The following VWC2 variants were observed in gnomAD, a reference collection of about 807,000 sequenced individuals.
VWC2 encodes brorin.
In VWC2, 14 loss-of-function variants were observed where a neutral mutation model predicts 29.8. The ratio of observed to expected loss-of-function variants is 0.47; its 90% CI spans 0.31 to 0.74. The LOEUF (loss-of-function observed/expected upper bound fraction) is 0.74. Among genes scored for constraint, VWC2 ranks in the 30% least tolerant of loss-of-function variants. The pLI, the probability that VWC2 is intolerant of heterozygous loss-of-function variation, is 0.05. For missense variants in VWC2, 457 were observed against 459.8 expected, an observed-to-expected ratio of 0.99 and a Z score of 0.05; for synonymous variants, 213 against 199.0, an observed-to-expected ratio of 1.07 and a Z score of -0.59.
intron 3 of VWC2, among the ~76,000 whole-genome samples, chr7:49,871,108 G>A (rs369380536): frequency 6.6e-6 from 1 of 152,102 alleles, no homozygotes; most frequent in Non-Finnish European, 1.5e-5. Flanking sequence ...GGACTTCAAA[G>A]TAGTATTTCA....
rs940756416 is a variant in VWC2, at chr7:49,914,095, G to A, written c.*1910G>A. 1 of 152,166 alleles carries A rather than the reference G, an allele frequency of 6.6e-6. No homozygotes were observed. The highest frequency in any genetic ancestry group is 2.4e-5 in the African/African-American group (1 of 41,438). The allele number at this position is 152,166 out of a possible 1,614,324, so 9.4% of individuals were successfully genotyped here. On this transcript the variant is annotated 3_prime_UTR_variant, in exon 4 of 4. Coordinates refer to ENST00000340652, the MANE Select transcript of VWC2 (RefSeq NM_198570.5). ...ATTGGCCATCCCTCCTTTATTCAAG[G>A]ATGGATTGTTTGAGACACAGTTATT... is the stretch of plus-strand genomic sequence containing the variant.
intron 3 of VWC2, among the ~76,000 whole-genome samples, chr7:49,844,859 A>AT (rs1789884968): frequency 6.6e-6 from 1 of 151,762 alleles, no homozygotes; most frequent in Non-Finnish European, 1.5e-5. Context: ...CGTCCAACTA[A>AT]ATTTTTGTAT....
intron 2 of VWC2, among the ~76,000 whole-genome samples, chr7:49,778,123 C>G (rs1788090360): frequency 6.6e-6 from 1 of 151,730 alleles, no homozygotes; most frequent in Non-Finnish European, 1.5e-5. Flanking sequence ...TCTGTCTTAA[C>G]AATTCATGCT....
intron 3 of VWC2, among the ~76,000 whole-genome samples, chr7:49,836,796 C>A (rs998499575): frequency 1.3e-5 from 2 of 151,910 alleles, no homozygotes; most frequent in African/African-American, 2.4e-5. Flanking sequence ...CAAAAGAAAC[C>A]AAACCACTGT....
intron 2 of VWC2, among the ~76,000 whole-genome samples, chr7:49,798,854 G>GTTTGAGCTCA (rs1204026440): frequency 6.6e-6 from 1 of 152,222 alleles, no homozygotes; most frequent in Admixed American, 6.5e-5. Context: ...CAAGGCCTAG[G>GTTTGAGCTCA]TTTGAGCTCA....
At chr7:49,861,256 G>A (rs1790640462) in intron 3 of VWC2, among the ~76,000 whole-genome samples, 1 of 152,122 alleles carries the variant, frequency 6.6e-6, no homozygotes, top group South Asian at 2.1e-4. Flanking sequence ...TTTTCCTAAT[G>A]ATTAATGACA....
chr7:49,840,410 T>C (rs1382564731), intron 3 of VWC2, among the ~76,000 whole-genome samples: 1 of 152,308 alleles, frequency 6.6e-6, no homozygotes, highest in Non-Finnish European at 1.5e-5. Flanking sequence ...ATCTGATTAG[T>C]GACTGATTCC....
At chr7:49,896,744 A>G (rs1792401261) in intron 3 of VWC2, among the ~76,000 whole-genome samples, 1 of 152,184 alleles carries the variant, frequency 6.6e-6, no homozygotes, top group Non-Finnish European at 1.5e-5. Context: ...AAAATGAAGG[A>G]ATATTATCAG....
intron 3 of VWC2, among the ~76,000 whole-genome samples, chr7:49,872,019 A>G (rs1192670347): frequency 6.6e-6 from 1 of 150,980 alleles, no homozygotes; most frequent in Non-Finnish European, 1.5e-5. Context: ...AAGAATGATG[A>G]AGTAATATAT....
At chr7:49,817,984 C>G (rs1038851086) in intron 3 of VWC2, among the ~76,000 whole-genome samples, 2 of 152,220 alleles carry the variant, frequency 1.3e-5, no homozygotes, top group Admixed American at 1.3e-4. Flanking sequence ...ATACTGGTTA[C>G]AAATAGCAGT....
chr7:49,901,021 T>A (rs1792695502), intron 3 of VWC2: 1 of 151,636 alleles, frequency 6.6e-6, no homozygotes, highest in South Asian at 2.1e-4. Context: ...CCTGACAAAA[T>A]CTAACACCCT....
chr7:49,788,640 GGTGT>G (rs1396226300), intron 2 of VWC2, among the ~76,000 whole-genome samples: 3 of 148,198 alleles, frequency 2.0e-5, no homozygotes, highest in Admixed American at 6.7e-5. Context: ...TGAGTGTGTG[GGTGT>G]GAGTGTGGAT....
rs1430026577 is a variant in VWC2 at position 49,802,777 on chromosome 7, C to T, written c.763C>T (p.Pro255Ser). Reference protein sequence around the residue: ...GEVLCTVSACPQTECVDPVYE... With the variant: ...GEVLCTVSACSQTECVDPVYE... Reference sequence around the variant, plus strand: ...GGTGCTATGCACAGTGTCAGCGTGTCCCCAGACGGAGTGTGTGGACCCTGT... The same window carrying T: ...GGTGCTATGCACAGTGTCAGCGTGTTCCCAGACGGAGTGTGTGGACCCTGT... Residue 255 changes from proline (P) to serine (S), a missense_variant, in exon 3 of 4, where the codon CCC (proline) becomes TCC (serine). Coordinates refer to ENST00000340652, the MANE Select transcript of VWC2 (RefSeq NM_198570.5). The T allele has an allele frequency of 6.2e-7, 1 of 1,614,062 alleles. No individual in the cohort carries two copies. The highest frequency in any genetic ancestry group is 1.1e-5 in the South Asian group (1 of 91,084).
At chr7:49,890,662 G>A (rs886541817) in intron 3 of VWC2, among the ~76,000 whole-genome samples, 2 of 151,578 alleles carry the variant, frequency 1.3e-5, no homozygotes, top group African/African-American at 2.4e-5. Flanking sequence ...GGGTGCATGA[G>A]AGTAACTCCC....
At chr7:49,863,868 T>G (rs1790771107) in intron 3 of VWC2, among the ~76,000 whole-genome samples, 1 of 152,242 alleles carries the variant, frequency 6.6e-6, no homozygotes, top group African/African-American at 2.4e-5. Context: ...GAGATCCTTT[T>G]CTGTTTTATA....
At chr7:49,842,619 A>G (rs891116821) in intron 3 of VWC2, among the ~76,000 whole-genome samples, 5 of 152,220 alleles carry the variant, frequency 3.3e-5, no homozygotes, top group African/African-American at 1.2e-4. Context: ...GAATGTTCTT[A>G]TCAGGAATTG....
At chr7:49,903,687 G>A (rs1792904617) in intron 3 of VWC2, among the ~76,000 whole-genome samples, 2 of 152,318 alleles carry the variant, frequency 1.3e-5, no homozygotes, top group African/African-American at 4.8e-5. Flanking sequence ...AAATAACATA[G>A]ACGTATATGC....
chr7:49,871,039 A>G (rs781042158), intron 3 of VWC2, among the ~76,000 whole-genome samples: 8 of 152,224 alleles, frequency 5.3e-5, no homozygotes, highest in Non-Finnish European at 8.8e-5. Context: ...TATTCCACAG[A>G]ACCAATAAAT....
chr7:49,915,642 C>G lies in VWC2; in HGVS notation c.*3457C>G, dbSNP rs868062450. ...TGTTTCAAACAAGCATTGTTGGAAA[C>G]TAAATCCATTATTTTAAATGTGGAC... On this transcript the variant is annotated 3_prime_UTR_variant, in exon 4 of 4. Coordinates refer to ENST00000340652, the MANE Select transcript of VWC2 (RefSeq NM_198570.5). 6.6e-6 allele frequency: 1 copy of G among 151,996 alleles called. No homozygotes were observed. The highest frequency in any genetic ancestry group is 6.6e-5 in the Admixed American group (1 of 15,260). The allele number at this position is 151,996 out of a possible 1,614,324, so 9.4% of individuals were successfully genotyped here.
Sources: allele counts gnomAD v4.1 joint callset (sites outside exome capture counted in the v4.1 genomes callset), GRCh38; gene constraint gnomAD v4.1.1; transcripts MANE v1.5; gene names NCBI Gene and HGNC (gene_info 2026-07-23, HGNC 2026-07-21).